MYO3B: variants seen among roughly 807,000 people sequenced by gnomAD.
The protein encoded by MYO3B is myosin-IIIb.
Under a neutral mutation model 174.6 loss-of-function variants are expected in MYO3B, and 156 were observed. That is an observed-to-expected ratio of 0.89 (90% CI 0.78 to 1.02). MYO3B has a LOEUF of 1.02. MYO3B is among the 50% of genes least tolerant of loss of function. The pLI, the probability that MYO3B is intolerant of heterozygous loss-of-function variation, is 0.00. For synonymous variants in MYO3B, 563 were observed against 569.1 expected (o/e 0.99, Z 0.15); for missense variants, 1,632 against 1,639.4 (o/e 1.00, Z 0.08).
intron 9 of MYO3B, among the ~76,000 whole-genome samples, chr2:170,380,445 A>G (rs950006237): frequency 1.3e-5 from 2 of 152,142 alleles, no homozygotes; most frequent in Non-Finnish European, 2.9e-5. Context: ...TTATAGATGA[A>G]GAAAACCGAT....
At chr2:170,459,153 G>C (rs1230282505) in intron 23 of MYO3B, among the ~76,000 whole-genome samples, 3 of 152,218 alleles carry the variant, frequency 2.0e-5, no homozygotes, top group African/African-American at 7.2e-5. Flanking sequence ...ATTGCGAAGA[G>C]TGAAAGAACA....
chr2:170,440,471 T>C (rs2094791157), intron 22 of MYO3B, among the ~76,000 whole-genome samples: 1 of 152,224 alleles, frequency 6.6e-6, no homozygotes, highest in South Asian at 2.1e-4. Flanking sequence ...TGTTTTGTAG[T>C]TTTTGGTGTA....
chr2:170,219,590 G>A (rs369824539), intron 6 of MYO3B, among the ~76,000 whole-genome samples: 9 of 151,852 alleles, frequency 5.9e-5, no homozygotes, highest in East Asian at 3.9e-4. Context: ...GTTGCAGTGA[G>A]CAGAGATGCC....
At position 170,602,297 on chromosome 2, in the gene MYO3B, A is replaced by G; in HGVS notation, c.3734-49331A>G. 5.5e-6 allele frequency: 4 copies of G among 725,988 alleles called. No individual in the cohort carries two copies. The South Asian group carries it at 6.2e-5, about 11-fold the overall frequency. 45.0% of individuals were successfully genotyped at this position (725,988 alleles called of 1,614,324 possible). On this transcript the variant is annotated intron_variant, in intron 32 of 34. Transcript: ENST00000408978. ...CCGTCCGGCTCTCACTTGCCCCGGC[A>G]CTGTCTCTGTGGAGCTCAATGTACT...
At chr2:170,205,853 C>A (rs2092708815) in intron 3 of MYO3B, among the ~76,000 whole-genome samples, 1 of 151,788 alleles carries the variant, frequency 6.6e-6, no homozygotes, top group South Asian at 2.1e-4. Context: ...TAATAGTTTC[C>A]CTTTTTTATC....
At chr2:170,225,930 G>A (rs1487689012) in intron 6 of MYO3B, among the ~76,000 whole-genome samples, 2 of 152,262 alleles carry the variant, frequency 1.3e-5, no homozygotes, top group South Asian at 2.1e-4. Context: ...TGCTTAGCCT[G>A]TTCTCATCTG....
Position 170,404,101 on chromosome 2 carries a change from G to C in MYO3B, c.2278-146G>C, listed in dbSNP as rs2094495537. 5 of 800,164 alleles carry C rather than the reference G, an allele frequency of 6.2e-6. No homozygotes were observed. The East Asian group carries it at 1.3e-4, about 21-fold the overall frequency. 49.6% of individuals were successfully genotyped at this position (800,164 alleles called of 1,614,324 possible). ...CACAGCTTTAATGGTGTTATATGCAGAAGATTCCTTTATTATACACATAAA... is the reference window on the plus strand; with the variant it reads ...CACAGCTTTAATGGTGTTATATGCACAAGATTCCTTTATTATACACATAAA... On this transcript the variant is annotated intron_variant, in intron 19 of 34. Transcript: ENST00000408978.
chr2:170,223,569 G>T (rs1314720734), intron 6 of MYO3B, among the ~76,000 whole-genome samples: 1 of 152,078 alleles, frequency 6.6e-6, no homozygotes, highest in Non-Finnish European at 1.5e-5. Flanking sequence ...TTCAACTAAG[G>T]GATTTCCAAT....
chr2:170,639,572 A>C (rs79970017), intron 32 of MYO3B, among the ~76,000 whole-genome samples: 5,540 of 152,330 alleles, frequency 0.036, 115 homozygotes, highest in Middle Eastern at 0.051. Context: ...ACACTACACA[A>C]AGCAAAACAA....
chr2:170,423,242 T>A (rs7598148), intron 22 of MYO3B, among the ~76,000 whole-genome samples: 2 of 151,796 alleles, frequency 1.3e-5, no homozygotes, highest in African/African-American at 4.8e-5. Context: ...CTTGGCCTCC[T>A]AAAGTGCTGG....
At chr2:170,479,988 C>CTA (rs910059246) in intron 25 of MYO3B, among the ~76,000 whole-genome samples, 1 of 144,396 alleles carries the variant, frequency 6.9e-6, no homozygotes, top group Non-Finnish European at 1.5e-5. Context: ...TATATTAAAC[C>CTA]TATATATATG....
chr2:170,242,662 C>T (rs1213019188), intron 7 of MYO3B, among the ~76,000 whole-genome samples: 1 of 152,066 alleles, frequency 6.6e-6, no homozygotes. Context: ...ACTTTGGGTC[C>T]CCACCACTAC....
chr2:170,400,402 C>CT (rs10676575), intron 17 of MYO3B, 88 bp downstream of exon 17: 57,963 of 996,968 alleles, frequency 0.058, 356 homozygotes, highest in East Asian at 0.15. Context: ...TTTGCTGGTC[C>CT]TTTTTTTTTT....
chr2:170,416,858 C>G (rs1040355261), intron 22 of MYO3B, among the ~76,000 whole-genome samples: 3 of 139,066 alleles, frequency 2.2e-5, no homozygotes, highest in African/African-American at 8.2e-5. Context: ...GAGTCTCGCT[C>G]TGTTGCCCGG....
At chr2:170,516,202 C>T (rs1465670338) in intron 29 of MYO3B, among the ~76,000 whole-genome samples, 1 of 152,130 alleles carries the variant, frequency 6.6e-6, no homozygotes, top group Non-Finnish European at 1.5e-5. Context: ...CCCACGATTC[C>T]CCATCCTCTT....
intron 22 of MYO3B, among the ~76,000 whole-genome samples, chr2:170,426,397 G>A (rs1316944610): frequency 2.0e-5 from 3 of 149,790 alleles, no homozygotes; most frequent in Admixed American, 6.6e-5. Flanking sequence ...GTGCAGTGGC[G>A]CGATCTCAGC....
chr2:170,644,317 A>T (rs1395213150), intron 32 of MYO3B, among the ~76,000 whole-genome samples: 1 of 150,218 alleles, frequency 6.7e-6, no homozygotes, highest in Non-Finnish European at 1.5e-5. Flanking sequence ...ATGAAGTCTC[A>T]CTCTTGTCAC....
intron 22 of MYO3B, among the ~76,000 whole-genome samples, chr2:170,427,930 C>T (rs533620395): frequency 1.3e-5 from 2 of 152,282 alleles, no homozygotes; most frequent in East Asian, 3.9e-4. Flanking sequence ...ATGGCTGGTA[C>T]TTGCCAATAT....
At chr2:170,402,284 C>G (rs926754019) in intron 18 of MYO3B, among the ~76,000 whole-genome samples, 2 of 152,170 alleles carry the variant, frequency 1.3e-5, no homozygotes, top group Non-Finnish European at 2.9e-5. Flanking sequence ...GCTGCATGTT[C>G]TAAGTCAGTT....
Sources: allele counts gnomAD v4.1 joint callset (sites outside exome capture counted in the v4.1 genomes callset), GRCh38; gene constraint gnomAD v4.1.1; transcripts MANE v1.5; gene names NCBI Gene and HGNC (gene_info 2026-07-23, HGNC 2026-07-21).